The following RNF180 variants were observed in gnomAD, a reference collection of about 807,000 sequenced individuals.
The protein encoded by RNF180 is ring finger protein 180.
A neutral mutation model predicts 59.2 loss-of-function variants in RNF180; 38 were observed. That is an observed-to-expected ratio of 0.64 (90% CI 0.50 to 0.84). RNF180 has a LOEUF of 0.84. RNF180 is among the 40% of genes least tolerant of loss of function. RNF180 has a pLI of 0.00. For synonymous variants in RNF180, 262 were observed against 240.3 expected (o/e 1.09, Z -0.84); for missense variants, 705 against 700.9 (o/e 1.01, Z -0.07).
chr5:64,336,024 T>C (rs1240992809), intron 7 of RNF180, among the ~76,000 whole-genome samples: 1 of 152,156 alleles, frequency 6.6e-6, no homozygotes. Context: ...TCCTCTTCTC[T>C]CCTTTTTTGA....
chr5:64,346,337 ATTC>A (rs1363588979), intron 7 of RNF180, among the ~76,000 whole-genome samples: 3 of 81,148 alleles, frequency 3.7e-5, no homozygotes, highest in East Asian at 3.4e-4. Context: ...ACTAGTTTCT[ATTC>A]TTCTTTTTTT....
At chr5:64,223,476 C>T (rs1042778637) in intron 5 of RNF180, among the ~76,000 whole-genome samples, 5 of 152,112 alleles carry the variant, frequency 3.3e-5, no homozygotes, top group East Asian at 3.8e-4. Context: ...TTTCTGAGTG[C>T]ATTATTTCAT....
At chr5:64,232,492 C>T (rs1047304170) in intron 5 of RNF180, among the ~76,000 whole-genome samples, 3 of 152,134 alleles carry the variant, frequency 2.0e-5, no homozygotes, top group Non-Finnish European at 4.4e-5. Flanking sequence ...TGTATAAGCA[C>T]GCTGGTTAAT....
intron 5 of RNF180, among the ~76,000 whole-genome samples, chr5:64,293,185 A>C (rs1742699968): frequency 6.6e-6 from 1 of 152,170 alleles, no homozygotes; most frequent in Non-Finnish European, 1.5e-5. Context: ...GGTTCACACA[A>C]TCACTCACTG....
chr5:64,248,946 C>T (rs1039162723), intron 5 of RNF180, among the ~76,000 whole-genome samples: 7 of 152,116 alleles, frequency 4.6e-5, no homozygotes, highest in African/African-American at 1.2e-4. Flanking sequence ...GAATTCATTT[C>T]CTCTCCAGGG....
intron 6 of RNF180, among the ~76,000 whole-genome samples, chr5:64,329,737 C>T (rs935933080): frequency 3.3e-5 from 5 of 152,150 alleles, no homozygotes; most frequent in African/African-American, 9.7e-5. Flanking sequence ...GGATTACAGG[C>T]GCATTAATTA....
At chr5:64,273,071 C>G (rs1267187952) in intron 5 of RNF180, among the ~76,000 whole-genome samples, 1 of 151,826 alleles carries the variant, frequency 6.6e-6, no homozygotes, top group African/African-American at 2.4e-5. Context: ...CCACCAAAAC[C>G]AAGATGGTAA....
At chr5:64,183,846 T>C (rs778856226) in intron 1 of RNF180, among the ~76,000 whole-genome samples, 4 of 152,222 alleles carry the variant, frequency 2.6e-5, no homozygotes, top group Non-Finnish European at 4.4e-5. Context: ...CTGTGTTCTT[T>C]AATGGATTTT....
chr5:64,240,908 G>A (rs1742769843), intron 5 of RNF180, among the ~76,000 whole-genome samples: 1 of 152,064 alleles, frequency 6.6e-6, no homozygotes, highest in East Asian at 1.9e-4. Context: ...TTTCTTCATA[G>A]TACTTATTGC....
chr5:64,231,044 A>G (rs1158200898), intron 5 of RNF180, among the ~76,000 whole-genome samples: 3 of 152,232 alleles, frequency 2.0e-5, no homozygotes, highest in Non-Finnish European at 2.9e-5. Context: ...GGTAAAAGGC[A>G]CAAGGCATTG....
At chr5:64,341,536 T>C (rs983862792) in intron 7 of RNF180, among the ~76,000 whole-genome samples, 5 of 152,206 alleles carry the variant, frequency 3.3e-5, no homozygotes, top group African/African-American at 1.2e-4. Context: ...GCAATGTATG[T>C]ACTCATTGTG....
intron 7 of RNF180, among the ~76,000 whole-genome samples, chr5:64,361,925 CA>C (rs902181517): frequency 6.6e-6 from 1 of 150,656 alleles, no homozygotes; most frequent in Non-Finnish European, 1.5e-5. Flanking sequence ...ATTTGGTGGA[CA>C]AAAAAAATCT....
At chr5:64,324,473 GC>G (rs1744530717) in intron 5 of RNF180, among the ~76,000 whole-genome samples, 1 of 152,180 alleles carries the variant, frequency 6.6e-6, no homozygotes, top group African/African-American at 2.4e-5. Context: ...ACAGACAGCA[GC>G]CCCAGCTGGA....
rs1358332449 is a variant in RNF180 at position 64,213,645 on chromosome 5, T to C, written c.319T>C (p.Cys107Arg). 1 of 1,614,064 alleles carries C rather than the reference T, an allele frequency of 6.2e-7. No individual in the cohort carries two copies. Among genetic ancestry groups the C allele is most frequent in the Non-Finnish European group, 8.5e-7 (1 of 1,180,016 alleles). The change falls in exon 4 of 8, where the codon TGT (cysteine) becomes CGT (arginine). Residue 107 changes from cysteine (C) to arginine (R), a missense_variant. Physicochemically the swap from Cys to Arg is radical, Grantham distance 180 (BLOSUM62 -3). Transcript: ENST00000389100. ...TTTTGTCAGCACTCCAAAATGTTCCTGTGGCCAGCTTGCAGCTGTACATCT... is the reference window on the plus strand; with the variant it reads ...TTTTGTCAGCACTCCAAAATGTTCCCGTGGCCAGCTTGCAGCTGTACATCT... ...FNFVSTPKCS[C>R]GQLAAVHLSK... is the part of the protein sequence containing the mutation.
At chr5:64,345,885 G>A (rs1243687185) in intron 7 of RNF180, among the ~76,000 whole-genome samples, 1 of 151,978 alleles carries the variant, frequency 6.6e-6, no homozygotes, top group Admixed American at 6.6e-5. Flanking sequence ...TTTTTGTTCT[G>A]ATTTTTTATG....
At chr5:64,312,797 A>C (rs1298022036) in intron 5 of RNF180, among the ~76,000 whole-genome samples, 1 of 152,036 alleles carries the variant, frequency 6.6e-6, no homozygotes, top group Non-Finnish European at 1.5e-5. Context: ...GATTACAAAG[A>C]AAACACAGGA....
chr5:64,258,148 G>C (rs1365373232), intron 5 of RNF180, among the ~76,000 whole-genome samples: 1 of 152,146 alleles, frequency 6.6e-6, no homozygotes, highest in African/African-American at 2.4e-5. Context: ...AGAGTGTATG[G>C]CCTTCCAGGG....
Position 64,310,667 on chromosome 5 carries a change from G to A in RNF180, c.1228-14519G>A, listed in dbSNP as rs571611738. 5.3e-5 allele frequency among the ~76,000 whole-genome samples: 8 copies of A among 151,906 alleles called. No homozygotes were observed. The South Asian group carries it at 1.7e-3, about 32-fold the overall frequency. On this transcript the variant is annotated intron_variant, in intron 5 of 7. Coordinates refer to ENST00000389100, the MANE Select transcript of RNF180 (RefSeq NM_001113561.2). Reference sequence around the variant, plus strand: ...CAAGTGAAGTCCTAATTAGCACATAGTTCTTTTGTAAATGGCAATCCAGAG... The same window carrying A: ...CAAGTGAAGTCCTAATTAGCACATAATTCTTTTGTAAATGGCAATCCAGAG...
chr5:64,255,770 G>C (rs574440668), intron 5 of RNF180, among the ~76,000 whole-genome samples: 1 of 152,166 alleles, frequency 6.6e-6, no homozygotes, highest in African/African-American at 2.4e-5. Flanking sequence ...CTGAGGAATC[G>C]CCACACTGTC....
Sources: gnomAD v4.1 joint callset for allele counts (sites outside exome capture counted in the v4.1 genomes callset) on GRCh38, gnomAD v4.1.1 for gene constraint, MANE v1.5 for transcripts, NCBI Gene and HGNC (gene_info 2026-07-23, HGNC 2026-07-21) for gene names.